Variants in TTC6 observed in about 807,000 individuals in gnomAD.
The protein encoded by TTC6 is tetratricopeptide repeat protein 6.
In TTC6, 172 loss-of-function variants were observed where a neutral mutation model predicts 210.4. The ratio of observed to expected loss-of-function variants is 0.82; its 90% confidence interval spans 0.72 to 0.93. TTC6 has a LOEUF of 0.93. Ranked by LOEUF, TTC6 falls within the 40% of genes least tolerant of loss-of-function variation. TTC6 has a pLI of 0.00. For synonymous variants in TTC6, 804 were observed against 819.6 expected (o/e 0.98, Z 0.32); for missense variants, 2,414 against 2,318.1 (o/e 1.04, Z -0.85).
At chr14:37,595,657 G>T (rs2095602704), upstream of TTC6, among the ~76,000 whole-genome samples, 1 of 152,124 alleles carries the variant, frequency 6.6e-6, no homozygotes, top group Non-Finnish European at 1.5e-5. Flanking sequence ...TGGCGTCGGA[G>T]ACTGGGCTTA....
At chr14:37,762,882 C>CTTTTTTTTTTTTTTTTTTTTT (rs369694046) in intron 14 of TTC6, among the ~76,000 whole-genome samples, 3 of 129,598 alleles carry the variant, frequency 2.3e-5, no homozygotes, top group Non-Finnish European at 4.9e-5. Context: ...CTTTTCTTTT[C>CTTTTTTTTTTTTTTTTTTTTT]TTTTTTTTTT....
intron 28 of TTC6, 37 bp downstream of exon 30, chr14:37,826,384 A>T (rs1373842964): frequency 6.6e-7 from 1 of 1,516,122 alleles, no homozygotes; most frequent in Non-Finnish European, 8.9e-7. Context: ...TATTAGCATA[A>T]ATTAACACTG....
intron 6 of TTC6, among the ~76,000 whole-genome samples, chr14:37,717,168 C>CA (rs1566907053): frequency 1.1e-4 from 16 of 148,050 alleles, no homozygotes; most frequent in South Asian, 4.3e-4. Flanking sequence ...TAAGAACCCC[C>CA]CAAAAAAAGA....
intron 6 of TTC6, among the ~76,000 whole-genome samples, chr14:37,716,490 A>G (rs1301058396): frequency 6.6e-6 from 1 of 152,166 alleles, no homozygotes; most frequent in Non-Finnish European, 1.5e-5. Context: ...TAAAAGGGTT[A>G]AAAATACACA....
rs190559535 is a variant in TTC6, at chr14:37,671,051, G to A, written c.940-9100G>A. Reference sequence around the variant, plus strand: ...AGTTCACACAGTTTTTATGGGTAGTGAATCTAGGAGCAACTTATCTATGTA... The same window carrying A: ...AGTTCACACAGTTTTTATGGGTAGTAAATCTAGGAGCAACTTATCTATGTA... On this transcript the variant is annotated intron_variant, in intron 1 of 30. Coordinates refer to ENST00000553443, the Ensembl canonical transcript of TTC6. 5.3e-5 allele frequency among the ~76,000 whole-genome samples: 8 copies of A among 152,272 alleles called. No homozygotes were observed. The East Asian group carries it at 1.5e-3, about 29-fold the overall frequency.
intron 1 of TTC6, among the ~76,000 whole-genome samples, chr14:37,667,754 A>G (rs2095750880): frequency 6.6e-6 from 1 of 150,670 alleles, no homozygotes; most frequent in Non-Finnish European, 1.5e-5. Flanking sequence ...ACCAGCTTTC[A>G]CTTGGATCCT....
intron 4 of TTC6, among the ~76,000 whole-genome samples, chr14:37,700,622 A>G (rs768079715): frequency 3.3e-5 from 5 of 151,804 alleles, no homozygotes; most frequent in Non-Finnish European, 5.9e-5. Flanking sequence ...ACGGGCCTGT[A>G]GTCCCAGCTA....
chr14:37,629,160 G>A (rs2095665216), intron 1 of TTC6, among the ~76,000 whole-genome samples: 1 of 152,190 alleles, frequency 6.6e-6, no homozygotes, highest in South Asian at 2.1e-4. Flanking sequence ...GTGGTAGCTT[G>A]ATGGGGATAG....
intron 10 of TTC6, among the ~76,000 whole-genome samples, chr14:37,739,605 C>T (rs1449525276): frequency 3.4e-5 from 5 of 149,232 alleles, no homozygotes; most frequent in Non-Finnish European, 5.9e-5. Context: ...GACAAACCCT[C>T]ATTTAAAAAT....
chr14:37,729,094 G>T (rs1024204525), intron 7 of TTC6, among the ~76,000 whole-genome samples: 22 of 151,614 alleles, frequency 1.5e-4, no homozygotes, highest in African/African-American at 5.3e-4. Context: ...ATATATCTTT[G>T]CACACATATG....
intron 14 of TTC6, among the ~76,000 whole-genome samples, chr14:37,773,661 C>T (rs1054543534): frequency 1.3e-5 from 2 of 152,040 alleles, no homozygotes; most frequent in African/African-American, 4.8e-5. Flanking sequence ...TTGCTGTGGC[C>T]TTGTAGTATA....
At chr14:37,833,873 T>A (rs1462013069) in intron 29 of TTC6, among the ~76,000 whole-genome samples, 1 of 152,234 alleles carries the variant, frequency 6.6e-6, no homozygotes, top group Non-Finnish European at 1.5e-5. Flanking sequence ...GTAGGACTGG[T>A]CTCATGGTGA....
chr14:37,737,339 C>T (rs185737706), intron 8 of TTC6, among the ~76,000 whole-genome samples: 1 of 152,226 alleles, frequency 6.6e-6, no homozygotes, highest in East Asian at 1.9e-4. Context: ...CATTCACACA[C>T]ACCAGTGCCA....
rs532690678 is a variant in TTC6 at position 37,670,474 on chromosome 14, C to CCTTTTTTT, written c.940-9677_940-9676insCTTTTTTT. ...TAAGGATCTAGCACAAACTACCTCA[C>CCTTTTTTT]TTTTTTTTTTTTTTTTTTTTTAGTC... On this transcript the variant is annotated intron_variant, in intron 1 of 30. Coordinates refer to ENST00000553443, the Ensembl canonical transcript of TTC6. Among the ~76,000 whole-genome samples, 151 of 121,328 alleles carry CCTTTTTTT rather than the reference C, an allele frequency of 1.2e-3. 9 individuals carry two copies. In the Middle Eastern group the frequency reaches 0.019, roughly 15 times the overall value. 79.6% of individuals were successfully genotyped at this position (121,328 alleles called of 152,430 possible).
At chr14:37,768,508 G>T (rs1343912287) in intron 14 of TTC6, among the ~76,000 whole-genome samples, 1 of 152,098 alleles carries the variant, frequency 6.6e-6, no homozygotes, top group Non-Finnish European at 1.5e-5. Flanking sequence ...CCTTGAAGAG[G>T]TCTTTCACTT....
At chr14:37,696,856 A>AT (rs2095815838) in intron 4 of TTC6, 21 bp downstream of exon 6, 1 of 1,116,932 alleles carries the variant, frequency 9.0e-7, no homozygotes, top group African/African-American at 1.6e-5. Context: ...TAAATTTATA[A>AT]TTTTTCTATT....
chr14:37,701,832 A>G (rs1161191141), intron 5 of TTC6, among the ~76,000 whole-genome samples: 13 of 152,168 alleles, frequency 8.5e-5, no homozygotes, highest in Admixed American at 8.5e-4. Context: ...ATTGAGAGTA[A>G]TAAAATTTAA....
chr14:37,741,491 T>C (rs1310683144), intron 10 of TTC6, among the ~76,000 whole-genome samples: 2 of 151,954 alleles, frequency 1.3e-5, no homozygotes, highest in Non-Finnish European at 2.9e-5. Context: ...GGTTTTGTCA[T>C]GTTGGCCAGG....
At chr14:37,781,238 C>A (rs557721868) in intron 14 of TTC6, among the ~76,000 whole-genome samples, 1 of 152,276 alleles carries the variant, frequency 6.6e-6, no homozygotes, top group East Asian at 1.9e-4. Flanking sequence ...AATTTACACT[C>A]CCACCAACAG....
Sources: allele counts gnomAD v4.1 joint callset (sites outside exome capture counted in the v4.1 genomes callset), GRCh38; gene constraint gnomAD v4.1.1; transcripts MANE v1.5; gene names NCBI Gene and HGNC (gene_info 2026-07-23, HGNC 2026-07-21).